JMJD1C: variants seen among roughly 807,000 people sequenced by gnomAD.
JMJD1C encodes jumonji domain containing 1C, also known as jumonji domain-containing protein 1C.
Under a neutral mutation model 245.3 loss-of-function variants are expected in JMJD1C, and 31 were observed. The observed-to-expected ratio is 0.13, with a 90% CI of 0.09 to 0.17. The LOEUF (loss-of-function observed/expected upper bound fraction) is 0.17, where lower values mean the gene tolerates loss of function less well. Among genes scored for constraint, JMJD1C ranks in the 10% least tolerant of loss-of-function variants. JMJD1C has a pLI of 1.00. For missense variants in JMJD1C, 2,691 were observed against 3,000.2 expected, an observed-to-expected ratio of 0.90 and a Z score of 2.41; for synonymous variants, 1,057 against 1,017.4, an observed-to-expected ratio of 1.04 and a Z score of -0.74.
At chr10:63,177,489 C>G in intron 23 of JMJD1C, 1 of 508,912 alleles carries the variant, frequency 2.0e-6, no homozygotes, top group South Asian at 2.3e-5. Flanking sequence ...GGAATGGAGG[C>G]ACACTACCAA....
rs1847632833 is a variant in JMJD1C at position 63,213,668 on chromosome 10, T to C, written c.2499A>G (p.Gln833=). 4 of 1,614,114 alleles carry C rather than the reference T, an allele frequency of 2.5e-6. No individual in the cohort carries two copies. In the Admixed American group the frequency reaches 5.0e-5, roughly 20 times the overall value. The change falls in exon 8 of 26, where the codon CAA becomes CAG. Residue 833 remains glutamine, a synonymous_variant. Transcript: ENST00000399262. ...GTGACTGGTGCTGTAACAACTGTTGTTGTTGCTGGTGTGCTAGCGCTAAGT... is the reference window on the plus strand; with the variant it reads ...GTGACTGGTGCTGTAACAACTGTTGCTGTTGCTGGTGTGCTAGCGCTAAGT... The part of the protein sequence containing the change: ...LSHLALAHQQ[Q]QQLLQHQSPH...
At chr10:63,512,714 A>G (rs1034561675) in intron 1 of JMJD1C, among the ~76,000 whole-genome samples, 1 of 152,040 alleles carries the variant, frequency 6.6e-6, no homozygotes, top group Non-Finnish European at 1.5e-5. Flanking sequence ...AGCTTCCTGG[A>G]TCTGTAGTTT....
Position 63,443,382 on chromosome 10 carries a change from G to A in JMJD1C, c.168+22113C>T, listed in dbSNP as rs538440540. Reference sequence around the variant, plus strand: ...GCTGGGATGCAGTGGCAGCATCTTGGCTCACTGCAACCTCTTCTTCCTGAG... The same window carrying A: ...GCTGGGATGCAGTGGCAGCATCTTGACTCACTGCAACCTCTTCTTCCTGAG... On this transcript the variant is annotated intron_variant, in intron 1 of 25. Coordinates refer to ENST00000399262, the MANE Select transcript of JMJD1C (RefSeq NM_032776.3). Among the ~76,000 whole-genome samples the A allele has an allele frequency of 6.5e-4, 99 of 152,258 alleles. 1 individual carries two copies. Among genetic ancestry groups the A allele is most frequent in the South Asian group, 6.0e-3 (29 of 4,816 alleles).
At chr10:63,449,110 C>T (rs1951880483) in intron 1 of JMJD1C, among the ~76,000 whole-genome samples, 1 of 151,620 alleles carries the variant, frequency 6.6e-6, no homozygotes, top group East Asian at 1.9e-4. Flanking sequence ...GAGCAAGACT[C>T]CGTCTCAAAA....
At chr10:63,500,563 G>A (rs1017338191) in intron 1 of JMJD1C, among the ~76,000 whole-genome samples, 3 of 152,086 alleles carry the variant, frequency 2.0e-5, no homozygotes, top group Non-Finnish European at 4.4e-5. Flanking sequence ...GCAAAACCCT[G>A]TCTCTACTAA....
At position 63,202,543 on chromosome 10, in the gene JMJD1C, T is replaced by G. The variant is rs564054008; in HGVS notation, c.5075-1866A>C. The G allele has an allele frequency of 1.3e-5, 13 of 985,418 alleles. No individual in the cohort carries two copies. The African/African-American group carries it at 2.3e-4, about 17-fold the overall frequency. 61.0% of individuals were successfully genotyped at this position (985,418 alleles called of 1,614,324 possible). A position where few individuals can be genotyped will look rare whatever the true frequency, so the allele number is the denominator to read the frequency against. On this transcript the variant is annotated intron_variant, in intron 10 of 25. Coordinates refer to ENST00000399262, the MANE Select transcript of JMJD1C (RefSeq NM_032776.3). Reference sequence around the variant, plus strand: ...TAAATAAACCATATAGAGTGACCCATTTGAAATCAGGTCCAATTATTAAGC... The same window carrying G: ...TAAATAAACCATATAGAGTGACCCAGTTGAAATCAGGTCCAATTATTAAGC...
At chr10:63,186,420 T>A in intron 18 of JMJD1C, 37 bp from the exon 19 acceptor site, 1 of 1,479,434 alleles carries the variant, frequency 6.8e-7, no homozygotes, top group Non-Finnish European at 9.2e-7. Context: ...TTAAAAGATA[T>A]ATAGACTTTC....
rs954317981 is a variant in JMJD1C, at chr10:63,294,099, T to A, written c.334-29335A>T. On this transcript the variant is annotated intron_variant, in intron 2 of 25. Coordinates refer to ENST00000399262, the MANE Select transcript of JMJD1C (RefSeq NM_032776.3). Reference sequence around the variant, plus strand: ...TACTACATTTTGCAAGATATCCTAATCATCTTCACCTTGCAGATGAACTCT... The same window carrying A: ...TACTACATTTTGCAAGATATCCTAAACATCTTCACCTTGCAGATGAACTCT... Among the ~76,000 whole-genome samples the A allele has an allele frequency of 3.9e-5, 6 of 152,314 alleles. No individual in the cohort carries two copies. In the East Asian group the frequency reaches 9.6e-4, roughly 24 times the overall value.
At chr10:63,273,076 TA>T (rs1856482876) in intron 2 of JMJD1C, among the ~76,000 whole-genome samples, 1 of 152,242 alleles carries the variant, frequency 6.6e-6, no homozygotes, top group African/African-American at 2.4e-5. Context: ...ATGGTTGAAT[TA>T]AAATAAGACT....
chr10:63,465,986 T>G (rs1953243651), upstream of JMJD1C: 1 of 303,184 alleles, frequency 3.3e-6, no homozygotes, highest in Non-Finnish European at 6.2e-6. Context: ...CTGCTCCGTC[T>G]CCCTCCCCGG....
intron 2 of JMJD1C, among the ~76,000 whole-genome samples, chr10:63,362,417 A>C (rs1945462553): frequency 6.6e-6 from 1 of 151,924 alleles, no homozygotes; most frequent in Non-Finnish European, 1.5e-5. Context: ...ATAGGCAAAA[A>C]CTTAGTTGTA....
At chr10:63,292,514 G>T (rs1858900377) in intron 2 of JMJD1C, among the ~76,000 whole-genome samples, 1 of 151,914 alleles carries the variant, frequency 6.6e-6, no homozygotes, top group Non-Finnish European at 1.5e-5. Context: ...AGGAGGCTGG[G>T]GTGGGAGAAT....
rs529454860 is a variant in JMJD1C at position 63,510,986 on chromosome 10, T to A, written n.113+10752A>T. ...AGTGCTCTGAAGTCTACTATTAATA[T>A]AGCTACCCTCAGTTTATTTTGGTTA... is the stretch of plus-strand genomic sequence containing the variant. On this transcript the variant is annotated intron_variant and non_coding_transcript_variant, in intron 1 of 3. Transcript: ENST00000633035. Among the ~76,000 whole-genome samples, 12 of 152,354 alleles carry A rather than the reference T, an allele frequency of 7.9e-5. No homozygotes were observed. In the South Asian group the frequency reaches 2.5e-3, roughly 32 times the overall value.
chr10:63,243,769 C>G (rs555335649), intron 3 of JMJD1C, among the ~76,000 whole-genome samples: 1 of 152,254 alleles, frequency 6.6e-6, no homozygotes, highest in South Asian at 2.1e-4. Flanking sequence ...CCAATAACAT[C>G]CCAGACCTCA....
chr10:63,518,610 T>A (rs1197462448), intron 1 of JMJD1C, among the ~76,000 whole-genome samples: 1 of 152,180 alleles, frequency 6.6e-6, no homozygotes, highest in Non-Finnish European at 1.5e-5. Context: ...GGAAACAGAC[T>A]CAGTTAAAAT....
intron 2 of JMJD1C, among the ~76,000 whole-genome samples, chr10:63,293,133 AT>A (rs1858982031): frequency 6.6e-6 from 1 of 152,206 alleles, no homozygotes; most frequent in Non-Finnish European, 1.5e-5. Context: ...TCTAATCCCC[AT>A]TATCAGAAAT....
Position 63,234,191 on chromosome 10 carries a change from G to C in JMJD1C, c.448-14208C>G, listed in dbSNP as rs868541857. Among the ~76,000 whole-genome samples the C allele has an allele frequency of 4.0e-5, 6 of 149,488 alleles. No homozygotes were observed. The South Asian group carries it at 1.3e-3, about 31-fold the overall frequency. On this transcript the variant is annotated intron_variant, in intron 3 of 25. Transcript: ENST00000399262. The stretch of plus-strand genomic sequence containing the variant: ...CAGAGTTACGAGAAGTCTAGCATGG[G>C]TAACATGACAGACTCTTGTTTAGAG...
intron 3 of JMJD1C, among the ~76,000 whole-genome samples, chr10:63,240,679 T>C (rs1851371662): frequency 6.6e-6 from 1 of 152,108 alleles, no homozygotes; most frequent in African/African-American, 2.4e-5. Flanking sequence ...GTTTTTTATA[T>C]TAGAGGGTTG....
intron 4 of JMJD1C, 51 bp downstream of exon 4, chr10:63,219,827 A>G (rs571154161): frequency 3.6e-5 from 46 of 1,271,074 alleles, no homozygotes; most frequent in African/African-American, 3.5e-4. Flanking sequence ...AACAAATATG[A>G]TAAGTTGCCT....
Sources: allele counts gnomAD v4.1 joint callset (sites outside exome capture counted in the v4.1 genomes callset), GRCh38; gene constraint gnomAD v4.1.1; transcripts MANE v1.5; gene names NCBI Gene and HGNC (gene_info 2026-07-23, HGNC 2026-07-21).